Variants in CSMD1 observed in about 807,000 individuals in gnomAD.
CSMD1 encodes CUB and sushi domain-containing protein 1.
CSMD1 carries 213 observed loss-of-function variants against 417.5 expected under a neutral mutation model. The ratio of observed to expected loss-of-function variants is 0.51; its 90% CI spans 0.46 to 0.57. The LOEUF (loss-of-function observed/expected upper bound fraction) is 0.57. CSMD1 is among the 20% of genes least tolerant of loss of function. CSMD1 has a pLI of 0.00. For missense variants in CSMD1, 6,923 were observed against 4,529.7 expected, an observed-to-expected ratio of 1.53 and a Z score of -15.17; for synonymous variants, 2,862 against 1,736.8, an observed-to-expected ratio of 1.65 and a Z score of -16.11.
intron 3 of CSMD1, among the ~76,000 whole-genome samples, chr8:4,228,942 C>G (rs1458537827): frequency 6.6e-6 from 1 of 152,112 alleles, no homozygotes; most frequent in African/African-American, 2.4e-5. Context: ...GCTGGGATTA[C>G]AGGAGTGAGC....
At chr8:3,228,518 A>C (rs1026571860) in intron 27 of CSMD1, among the ~76,000 whole-genome samples, 9 of 152,262 alleles carry the variant, frequency 5.9e-5, no homozygotes, top group Non-Finnish European at 1.3e-4. Flanking sequence ...CTTGTCCTTG[A>C]AGCTGACATT....
At chr8:3,901,945 G>C (rs1213689979) in intron 5 of CSMD1, among the ~76,000 whole-genome samples, 1 of 152,150 alleles carries the variant, frequency 6.6e-6, no homozygotes, top group Non-Finnish European at 1.5e-5. Context: ...GACCAGACAT[G>C]TATTTCAGTG....
chr8:3,978,810 C>A (rs1813635855), intron 5 of CSMD1, among the ~76,000 whole-genome samples: 1 of 152,046 alleles, frequency 6.6e-6, no homozygotes, highest in Non-Finnish European at 1.5e-5. Flanking sequence ...CCGGAGACAT[C>A]GGTGATTTAC....
At chr8:4,636,845 T>G (rs1282459032) in intron 2 of CSMD1, among the ~76,000 whole-genome samples, 1 of 152,140 alleles carries the variant, frequency 6.6e-6, no homozygotes, top group Non-Finnish European at 1.5e-5. Context: ...AGTGGGGACT[T>G]GGAGAACTTT....
intron 2 of CSMD1, among the ~76,000 whole-genome samples, chr8:4,435,353 T>C (rs1238683582): frequency 6.6e-6 from 1 of 152,136 alleles, no homozygotes; most frequent in Admixed American, 6.6e-5. Flanking sequence ...TGAGGCCTTA[T>C]TTAATTATTA....
At chr8:4,462,855 C>G (rs778064835) in intron 2 of CSMD1, among the ~76,000 whole-genome samples, 5 of 152,062 alleles carry the variant, frequency 3.3e-5, no homozygotes, top group African/African-American at 9.7e-5. Flanking sequence ...AAGTGCAGCT[C>G]AAACTCTTTG....
Position 4,550,022 on chromosome 8 carries a change from A to C in CSMD1, c.302+87320T>G, listed in dbSNP as rs1264802757. Among the ~76,000 whole-genome samples, 4 of 151,742 alleles carry C rather than the reference A, an allele frequency of 2.6e-5. No individual in the cohort carries two copies. In the East Asian group the frequency reaches 5.8e-4, roughly 22 times the overall value. On this transcript the variant is annotated intron_variant, in intron 2 of 69. Coordinates refer to ENST00000635120, the MANE Select transcript of CSMD1 (RefSeq NM_033225.6). The stretch of plus-strand genomic sequence containing the variant: ...TGTTAATCAAGGACAAGAGTGGAGG[A>C]GAAAAGTGGCTGCAGCATTCCTTTT...
intron 36 of CSMD1, among the ~76,000 whole-genome samples, chr8:3,183,713 C>G (rs936081156): frequency 6.6e-6 from 1 of 152,208 alleles, no homozygotes; most frequent in Non-Finnish European, 1.5e-5. Flanking sequence ...TTTCTTAATA[C>G]CATTGGCATC....
chr8:4,685,532 C>T (rs1419739472), intron 1 of CSMD1, among the ~76,000 whole-genome samples: 1 of 151,984 alleles, frequency 6.6e-6, no homozygotes, highest in Non-Finnish European at 1.5e-5. Flanking sequence ...GTCGAGATCA[C>T]ACCACTGCAC....
intron 5 of CSMD1, among the ~76,000 whole-genome samples, chr8:3,843,203 C>G (rs1444522377): frequency 6.6e-6 from 1 of 152,030 alleles, no homozygotes; most frequent in Non-Finnish European, 1.5e-5. Context: ...CCTTGAAAAC[C>G]TTGCTTTCCC....
intron 2 of CSMD1, among the ~76,000 whole-genome samples, chr8:4,506,106 C>T (rs1048086605): frequency 6.6e-6 from 1 of 152,152 alleles, no homozygotes; most frequent in Admixed American, 6.5e-5. Context: ...CCACAATAGT[C>T]TTTCTAGGAG....
intron 26 of CSMD1, among the ~76,000 whole-genome samples, chr8:3,276,009 T>A (rs531663598): frequency 1.3e-5 from 2 of 152,336 alleles, no homozygotes; most frequent in East Asian, 3.9e-4. Flanking sequence ...GGCACTCTGC[T>A]TTTTAGAGTT....
chr8:3,951,586 A>T (rs939481510), intron 5 of CSMD1, among the ~76,000 whole-genome samples: 1 of 152,198 alleles, frequency 6.6e-6, no homozygotes, highest in South Asian at 2.1e-4. Flanking sequence ...CATCATAGAA[A>T]ACAACGAGAG....
At chr8:2,953,654 A>G (rs1432946831) in intron 65 of CSMD1, among the ~76,000 whole-genome samples, 1 of 152,206 alleles carries the variant, frequency 6.6e-6, no homozygotes, top group Non-Finnish European at 1.5e-5. Context: ...TTGTATAGTA[A>G]AAACTTTCCT....
chr8:4,019,692 G>A (rs1388442239), intron 4 of CSMD1, among the ~76,000 whole-genome samples: 1 of 152,142 alleles, frequency 6.6e-6, no homozygotes, highest in African/African-American at 2.4e-5. Flanking sequence ...TGCTGCTCCT[G>A]CTTTGTCAGT....
At chr8:3,318,298 A>G (rs951508222) in intron 23 of CSMD1, among the ~76,000 whole-genome samples, 4 of 152,224 alleles carry the variant, frequency 2.6e-5, no homozygotes, top group African/African-American at 7.2e-5. Flanking sequence ...AAAAAATAGA[A>G]AATCTCTGTA....
intron 3 of CSMD1, among the ~76,000 whole-genome samples, chr8:4,397,239 C>T (rs1355084963): frequency 3.3e-5 from 5 of 151,924 alleles, no homozygotes; most frequent in Non-Finnish European, 5.9e-5. Flanking sequence ...GTTTATTTAG[C>T]GTGTGAGCAT....
chr8:3,393,248 C>A (rs775602974), intron 17 of CSMD1, among the ~76,000 whole-genome samples: 1 of 152,174 alleles, frequency 6.6e-6, no homozygotes, highest in Non-Finnish European at 1.5e-5. Flanking sequence ...AGTCACAGTG[C>A]TGGAAAGTTC....
At chr8:3,384,749 TTTATATA>T (rs2116793710) in intron 18 of CSMD1, among the ~76,000 whole-genome samples, 2 of 126,182 alleles carry the variant, frequency 1.6e-5, no homozygotes, top group East Asian at 4.4e-4. Context: ...TAAATATATA[TTTATATA>T]AATTATATAA....
Sources: gnomAD v4.1 joint callset for allele counts (sites outside exome capture counted in the v4.1 genomes callset) on GRCh38, gnomAD v4.1.1 for gene constraint, MANE v1.5 for transcripts, NCBI Gene and HGNC (gene_info 2026-07-23, HGNC 2026-07-21) for gene names.